Variants in CSMD3 observed in about 807,000 individuals in gnomAD.
CSMD3 encodes CUB and sushi domain-containing protein 3.
Under a neutral mutation model 435.2 loss-of-function variants are expected in CSMD3, and 177 were observed. That is an observed-to-expected ratio of 0.41 (90% CI 0.36 to 0.46). The LOEUF (loss-of-function observed/expected upper bound fraction) is 0.46. Ranked by LOEUF, CSMD3 falls within the 20% of genes least tolerant of loss-of-function variation. The pLI, the probability that CSMD3 is intolerant of heterozygous loss-of-function variation, is 0.34. For missense variants in CSMD3, 4,265 were observed against 4,504.6 expected (o/e 0.95, Z 1.52); for synonymous variants, 1,656 against 1,520.5 (o/e 1.09, Z -2.07).
chr8:112,598,054 A>G lies in CSMD3; in HGVS notation c.3716-10819T>C, dbSNP rs1199272209. 2.5e-3 allele frequency among the ~76,000 whole-genome samples: 372 copies of G among 147,798 alleles called. 4 individuals carry two copies. The highest frequency in any genetic ancestry group is 4.3e-3 in the Non-Finnish European group (288 of 67,132). On this transcript the variant is annotated intron_variant, in intron 22 of 70. Transcript: ENST00000297405. ...AGGAGAAGGAAATAAAGGGTATTCA[A>G]TTAGGAAAACAGGAAGTCAAATTGT...
In CSMD3 at chr8:112,587,227, C is replaced by T. The variant is rs747348843; in HGVS notation, c.3724G>A (p.Gly1242Ser). ...CCTTCATTATTCGTTGCAGATGCAC[C>T]ACATTCAGCTGCAGGTAAAACAGAA... ...APLPRCVAEC[G>S]ASATNNEGIL... Residue 1242 changes from glycine (G) to serine (S), a missense_variant, in exon 23 of 71, where the codon GGT (glycine) becomes AGT (serine). Transcript: ENST00000297405. The T allele has an allele frequency of 4.7e-5, 76 of 1,606,646 alleles. No homozygotes were observed. The highest frequency in any genetic ancestry group is 6.4e-5 in the Non-Finnish European group (75 of 1,174,340).
At chr8:112,478,688 G>A (rs997490381) in intron 31 of CSMD3, among the ~76,000 whole-genome samples, 7 of 152,148 alleles carry the variant, frequency 4.6e-5, no homozygotes, top group African/African-American at 1.7e-4. Context: ...CAAGAAGATA[G>A]GGGTGGGTCC....
chr8:112,758,367 A>T lies in CSMD3; in HGVS notation c.1972+41795T>A, dbSNP rs550656678. Among the ~76,000 whole-genome samples the T allele has an allele frequency of 9.0e-4, 136 of 151,752 alleles. 1 individual carries two copies. Among genetic ancestry groups the T allele is most frequent in the African/African-American group, 2.8e-3 (118 of 41,408 alleles). ...ACTCCATTTCAAAAAAAAAAAATTT[A>T]AAAAAGGAAAAAAATATGATTTTTA... On this transcript the variant is annotated intron_variant, in intron 13 of 70. Coordinates refer to ENST00000297405, the MANE Select transcript of CSMD3 (RefSeq NM_198123.2).
In CSMD3 at chr8:112,874,425, C is replaced by T. The variant is rs371841763; in HGVS notation, c.1634-15159G>A. Among the ~76,000 whole-genome samples, 290 of 152,184 alleles carry T rather than the reference C, an allele frequency of 1.9e-3. 4 individuals carry two copies. Among genetic ancestry groups the T allele is most frequent in the South Asian group, 0.018 (89 of 4,826 alleles). ...ATTCTGTAGATGTCTATTAGGTCCG[C>T]TTGGTTCAGAGCTGAGTTCAAGTCC... On this transcript the variant is annotated intron_variant, in intron 10 of 70. Transcript: ENST00000297405.
intron 38 of CSMD3, among the ~76,000 whole-genome samples, chr8:112,363,372 T>C (rs1260631913): frequency 6.6e-6 from 1 of 151,998 alleles, no homozygotes; most frequent in African/African-American, 2.4e-5. Context: ...ACGAAGGGTA[T>C]ATTTCTGTTT....
intron 4 of CSMD3, among the ~76,000 whole-genome samples, chr8:113,156,697 TG>T (rs1444365936): frequency 6.6e-6 from 1 of 151,146 alleles, no homozygotes; most frequent in African/African-American, 2.4e-5. Flanking sequence ...GCCAAGGAGT[TG>T]GAGACCAGCT....
chr8:112,876,063 C>T lies in CSMD3; in HGVS notation c.1634-16797G>A, dbSNP rs372835711. Reference sequence around the variant, plus strand: ...TTATCTTTGTGGATTTATCTACCAACGGTCTTTGATGTCGGTGACCTTCTG... The same window carrying T: ...TTATCTTTGTGGATTTATCTACCAATGGTCTTTGATGTCGGTGACCTTCTG... On this transcript the variant is annotated intron_variant, in intron 10 of 70. Transcript: ENST00000297405. 1.1e-4 allele frequency among the ~76,000 whole-genome samples: 17 copies of T among 152,114 alleles called. No individual in the cohort carries two copies. The East Asian group carries it at 1.2e-3, about 10-fold the overall frequency.
chr8:112,273,909 T>C (rs554301312), intron 59 of CSMD3, among the ~76,000 whole-genome samples: 27 of 146,530 alleles, frequency 1.8e-4, no homozygotes, highest in Non-Finnish European at 3.3e-4. Flanking sequence ...CTATAAAGTT[T>C]ACAGTTTAGT....
chr8:113,412,985 T>C (rs895090645), intron 1 of CSMD3, among the ~76,000 whole-genome samples: 13 of 152,114 alleles, frequency 8.5e-5, no homozygotes, highest in Middle Eastern at 3.2e-3. Flanking sequence ...TAGATATATA[T>C]ATAATTAACA....
At chr8:113,352,747 G>A (rs1227638860) in intron 1 of CSMD3, among the ~76,000 whole-genome samples, 1 of 152,134 alleles carries the variant, frequency 6.6e-6, no homozygotes, top group Non-Finnish European at 1.5e-5. Context: ...AAGGAAACCA[G>A]GATGGCTAAA....
chr8:112,674,396 T>C (rs935594551), intron 16 of CSMD3, among the ~76,000 whole-genome samples: 2 of 152,058 alleles, frequency 1.3e-5, no homozygotes, highest in Admixed American at 6.6e-5. Flanking sequence ...ATGGAACATG[T>C]TGATTCTCCC....
At position 112,517,209 on chromosome 8, in the gene CSMD3, C is replaced by T. The variant is rs563110439; in HGVS notation, c.4581G>A (p.Ala1527=). 3.3e-5 allele frequency: 53 copies of T among 1,613,356 alleles called. No individual in the cohort carries two copies. The highest frequency in any genetic ancestry group is 2.0e-4 in the Admixed American group (12 of 59,848). The change falls in exon 28 of 71, where the codon GCG becomes GCA. Residue 1527 remains alanine, a synonymous_variant. Coordinates refer to ENST00000297405, the MANE Select transcript of CSMD3 (RefSeq NM_198123.2). The stretch of plus-strand genomic sequence containing the variant: ...TCATGGGGACCCCTGGGTCACGACA[C>T]GCAGTGGCAACAGAACCTATCAAAA... ...AIQFSSSVAT[A]CRDPGVPMNG... is the part of the protein sequence containing the mutation.
chr8:112,714,019 G>A (rs76276156), intron 13 of CSMD3, among the ~76,000 whole-genome samples: 23,695 of 152,040 alleles, frequency 0.16, 2,116 homozygotes, highest in Middle Eastern at 0.32. Context: ...ATCAACTAGT[G>A]GGCAAAATAA....
intron 3 of CSMD3, among the ~76,000 whole-genome samples, chr8:113,204,375 A>G (rs2092747820): frequency 6.6e-6 from 1 of 152,202 alleles, no homozygotes; most frequent in South Asian, 2.1e-4. Context: ...TTTTAACAAA[A>G]TAAGGTACAT....
At chr8:112,939,087 G>C (rs997596106) in intron 9 of CSMD3, among the ~76,000 whole-genome samples, 1 of 152,054 alleles carries the variant, frequency 6.6e-6, no homozygotes, top group Non-Finnish European at 1.5e-5. Context: ...TTTGATCAAG[G>C]AGTATTATTG....
intron 14 of CSMD3, among the ~76,000 whole-genome samples, chr8:112,689,642 C>T (rs75698963): frequency 0.014 from 2,094 of 152,026 alleles, 48 homozygotes; most frequent in African/African-American, 0.048. Context: ...TAAGAACACA[C>T]GTAATATATA....
intron 32 of CSMD3, among the ~76,000 whole-genome samples, chr8:112,414,772 A>G (rs1811727330): frequency 6.6e-6 from 1 of 152,212 alleles, no homozygotes; most frequent in South Asian, 2.1e-4. Flanking sequence ...CGAAGTCCAG[A>G]CTGAGGTTTT....
At chr8:112,378,570 G>A (rs1020758804) in intron 38 of CSMD3, among the ~76,000 whole-genome samples, 36 of 152,236 alleles carry the variant, frequency 2.4e-4, no homozygotes, top group Non-Finnish European at 3.8e-4. Context: ...CATAGAAAAG[G>A]GATATTGCAT....
intron 23 of CSMD3, among the ~76,000 whole-genome samples, chr8:112,580,633 A>C (rs1460623063): frequency 6.6e-6 from 1 of 151,954 alleles, no homozygotes; most frequent in African/African-American, 2.4e-5. Context: ...TATACAGAGT[A>C]ATTGAAAAAT....
Sources: allele counts gnomAD v4.1 joint callset (sites outside exome capture counted in the v4.1 genomes callset), GRCh38; gene constraint gnomAD v4.1.1; transcripts MANE v1.5; gene names NCBI Gene and HGNC (gene_info 2026-07-23, HGNC 2026-07-21).